Variants in PDXDC1 observed in about 807,000 individuals in gnomAD.
PDXDC1 encodes pyridoxal dependent decarboxylase domain containing 1.
In PDXDC1, 42 loss-of-function variants were observed where a neutral mutation model predicts 100.1. The observed-to-expected ratio is 0.42, with a 90% CI of 0.33 to 0.54. The LOEUF (loss-of-function observed/expected upper bound fraction) is 0.54, where lower values mean the gene tolerates loss of function less well. Among genes scored for constraint, PDXDC1 ranks in the 20% least tolerant of loss-of-function variants. The pLI, the probability that PDXDC1 is intolerant of heterozygous loss-of-function variation, is 0.10. For synonymous variants in PDXDC1, 260 were observed against 371.7 expected, an observed-to-expected ratio of 0.70 and a Z score of 3.46; for missense variants, 636 against 979.2, an observed-to-expected ratio of 0.65 and a Z score of 4.68.
Position 15,006,412 on chromosome 16 carries a change from T to A in PDXDC1, c.408T>A (p.Ala136=). The A allele has an allele frequency of 6.3e-7, 1 of 1,591,952 alleles. No individual in the cohort carries two copies. Among genetic ancestry groups the A allele is most frequent in the Non-Finnish European group, 8.6e-7 (1 of 1,163,384 alleles). ...TTAACAGATATGAAAATGGGTGTGC[T>A]TATTTCCACGAAGAGGAAAGAGAAG... ...CRIFRYENGC[A]YFHEEEREGL... is the part of the protein sequence containing the mutation. The change falls in exon 6 of 23, where the codon GCT becomes GCA. Residue 136 remains alanine (A), a synonymous_variant. Coordinates refer to ENST00000396410, the MANE Select transcript of PDXDC1 (RefSeq NM_015027.4).
intron 16 of PDXDC1, among the ~76,000 whole-genome samples, chr16:15,083,921 G>C (rs1451586265): frequency 1.3e-5 from 2 of 152,162 alleles, no homozygotes; most frequent in Non-Finnish European, 2.9e-5. Flanking sequence ...TCTCCATGTT[G>C]GTCAGGCTGG....
chr16:15,095,454 G>A (rs1323713759), intron 16 of PDXDC1, among the ~76,000 whole-genome samples: 3 of 152,164 alleles, frequency 2.0e-5, no homozygotes, highest in Non-Finnish European at 4.4e-5. Flanking sequence ...CCAGCTACTC[G>A]GGAGGCTGAG....
intron 16 of PDXDC1, among the ~76,000 whole-genome samples, chr16:15,043,904 T>C (rs1245370375): frequency 6.6e-6 from 1 of 151,946 alleles, no homozygotes; most frequent in Non-Finnish European, 1.5e-5. Flanking sequence ...GCCGAGATCA[T>C]GCTACTGCAC....
At chr16:15,035,381 AG>A in intron 21 of PDXDC1, 67 bp from the exon 22 acceptor site, 1 of 774,720 alleles carries the variant, frequency 1.3e-6, no homozygotes, top group East Asian at 3.0e-5. Flanking sequence ...AGGCTGTGTG[AG>A]GGCAGGTGGT....
chr16:15,075,787 C>T (rs756540086), intron 16 of PDXDC1, among the ~76,000 whole-genome samples: 7 of 152,130 alleles, frequency 4.6e-5, no homozygotes, highest in South Asian at 4.1e-4. Flanking sequence ...CCCACCATGG[C>T]GGGTGCTTTT....
chr16:15,057,780 T>G (rs574363749), intron 16 of PDXDC1, among the ~76,000 whole-genome samples: 1 of 152,188 alleles, frequency 6.6e-6, no homozygotes, highest in Non-Finnish European at 1.5e-5. Flanking sequence ...AGTGAGGCAT[T>G]TGGAAGTGCA....
chr16:15,064,867 C>T (rs1277586162), intron 16 of PDXDC1, among the ~76,000 whole-genome samples: 2 of 152,194 alleles, frequency 1.3e-5, no homozygotes, highest in Admixed American at 6.5e-5. Context: ...ACATGTATCA[C>T]GTTTAAATCC....
intron 1 of PDXDC1, chr16:14,988,781 C>T (rs2151237891): frequency 1.2e-6 from 2 of 1,613,840 alleles, no homozygotes. Flanking sequence ...CTGTGAACTG[C>T]AGCCCCCCGA....
intron 16 of PDXDC1, among the ~76,000 whole-genome samples, chr16:15,102,868 G>A (rs1464241511): frequency 1.3e-5 from 2 of 149,596 alleles, no homozygotes; most frequent in Admixed American, 1.3e-4. Flanking sequence ...GAGCCCGGAA[G>A]TTCAAGGCTA....
chr16:15,102,340 T>C (rs2046585075), intron 16 of PDXDC1, among the ~76,000 whole-genome samples: 1 of 151,986 alleles, frequency 6.6e-6, no homozygotes, highest in Admixed American at 6.6e-5. Flanking sequence ...GGAAATCCAA[T>C]TTTACGAGAG....
At chr16:15,151,803 C>T in the PDXDC1 span, among the ~76,000 whole-genome samples, 2 of 125,522 alleles carry the variant, frequency 1.6e-5, no homozygotes, top group South Asian at 2.8e-4. Context: ...TGGTGGTGCA[C>T]GCCTGTAATC....
intron 8 of PDXDC1, among the ~76,000 whole-genome samples, chr16:15,012,665 C>T (rs536739220): frequency 5.4e-4 from 82 of 152,336 alleles, no homozygotes; most frequent in Non-Finnish European, 6.2e-4. Context: ...GGCAACATGG[C>T]GAAACCCCTA....
chr16:15,124,013 A>G (rs1343055208), intron 16 of PDXDC1, among the ~76,000 whole-genome samples: 1 of 152,042 alleles, frequency 6.6e-6, no homozygotes, highest in East Asian at 1.9e-4. Flanking sequence ...TGGACTTTAA[A>G]TTCTGAACCC....
intron 5 of PDXDC1, among the ~76,000 whole-genome samples, chr16:15,005,693 GCCTGACTAGCT>G (rs1287568016): frequency 1.3e-5 from 2 of 152,272 alleles, no homozygotes; most frequent in Admixed American, 6.5e-5. Flanking sequence ...CCAAAAGCTA[GCCTGACTAGCT>G]TTTTTATTTT....
intron 1 of PDXDC1, among the ~76,000 whole-genome samples, chr16:14,983,312 C>T (rs1968429415): frequency 6.6e-6 from 1 of 152,268 alleles, no homozygotes; most frequent in Admixed American, 6.5e-5. Context: ...GTGGCTCATG[C>T]CTGTAATCTC....
intron 4 of PDXDC1, among the ~76,000 whole-genome samples, chr16:15,003,021 T>G (rs1172361347): frequency 1.3e-5 from 2 of 152,276 alleles, no homozygotes; most frequent in Non-Finnish European, 2.9e-5. Flanking sequence ...TTCTTATTAT[T>G]CACAGTTAAC....
chr16:15,013,160 ACT>A (rs1316103756), intron 8 of PDXDC1, among the ~76,000 whole-genome samples: 4 of 151,514 alleles, frequency 2.6e-5, no homozygotes, highest in African/African-American at 4.8e-5. Flanking sequence ...ACAGAGTGAG[ACT>A]CTGTTTCTGT....
chr16:15,096,622 G>A (rs1598047032), intron 16 of PDXDC1, among the ~76,000 whole-genome samples: 1 of 152,346 alleles, frequency 6.6e-6, no homozygotes, highest in Admixed American at 6.5e-5. Flanking sequence ...TCACTTCCAA[G>A]GGAAAGCAAA....
At chr16:14,984,858 G>T (rs1968961360) in intron 1 of PDXDC1, among the ~76,000 whole-genome samples, 1 of 152,202 alleles carries the variant, frequency 6.6e-6, no homozygotes, top group South Asian at 2.1e-4. Flanking sequence ...GTTGATTCGT[G>T]TGTTTTCAAA....
Sources: gnomAD v4.1 joint callset for allele counts (sites outside exome capture counted in the v4.1 genomes callset) on GRCh38, gnomAD v4.1.1 for gene constraint, MANE v1.5 for transcripts, NCBI Gene and HGNC (gene_info 2026-07-23, HGNC 2026-07-21) for gene names.